SORT1: variants seen among roughly 807,000 people sequenced by gnomAD.
SORT1 encodes the protein sortilin 1.
A neutral mutation model predicts 101.7 loss-of-function variants in SORT1; 39 were observed. The observed-to-expected ratio is 0.38, with a 90% CI of 0.30 to 0.50. SORT1 has a LOEUF of 0.50. Ranked by LOEUF, SORT1 falls within the 20% of genes least tolerant of loss-of-function variation. SORT1 has a pLI of 0.90. For missense variants in SORT1, 878 were observed against 1,040.4 expected (o/e 0.84, Z 2.15); for synonymous variants, 396 against 393.7 (o/e 1.01, Z -0.07).
chr1:109,347,370 T>C, intron 7 of SORT1, 113 bp downstream of exon 7: 1 of 686,448 alleles, frequency 1.5e-6, no homozygotes, highest in Non-Finnish European at 2.5e-6. Context: ...TCTTTAGCTA[T>C]TACAATTTCA....
Position 109,324,969 on chromosome 1 carries a change from G to T in SORT1, c.1764C>A (p.Phe588Leu), listed in dbSNP as rs1224400776. Residue 588 changes from phenylalanine (F) to leucine (L), a missense_variant, in exon 14 of 20, where the codon TTC (phenylalanine) becomes TTA (leucine). By Grantham distance (22) the Phe-to-Leu change is conservative (BLOSUM62 0). Around this residue, in one of 2 missense-constraint regions of SORT1, gnomAD observed 684 missense variants for 894.5 expected, o/e 0.76. Transcript: ENST00000256637. ...ACTGGCTGGTCAGGAAAGATTCTGTGAAGCCCCAAATGCTGATATTCATGG... is the reference window on the plus strand; with the variant it reads ...ACTGGCTGGTCAGGAAAGATTCTGTTAAGCCCCAAATGCTGATATTCATGG... The part of the protein sequence containing the change: ...ARSMNISIWG[F>L]TESFLTSQWV... 6 of 1,613,858 alleles carry T rather than the reference G, an allele frequency of 3.7e-6. No individual in the cohort carries two copies. Among genetic ancestry groups the T allele is most frequent in the Non-Finnish European group, 5.1e-6 (6 of 1,179,764 alleles).
At chr1:109,388,091 A>G (rs1652690065) in intron 1 of SORT1, among the ~76,000 whole-genome samples, 1 of 151,964 alleles carries the variant, frequency 6.6e-6, no homozygotes, top group South Asian at 2.1e-4. Flanking sequence ...GGACCTCACT[A>G]TGTTGCCCAG....
chr1:109,327,678 C>A, intron 11 of SORT1, 77 bp from the exon 12 acceptor site: 1 of 944,834 alleles, frequency 1.1e-6, no homozygotes, highest in Non-Finnish European at 1.6e-6. Context: ...CAAAACCCTT[C>A]CAATAAAGCT....
intron 6 of SORT1, among the ~76,000 whole-genome samples, chr1:109,349,198 A>G (rs1255873118): frequency 1.3e-5 from 2 of 152,234 alleles, no homozygotes; most frequent in East Asian, 3.9e-4. Context: ...TACAAAAGTT[A>G]GCTGGGTGTG....
At chr1:109,326,528 C>T (rs1429229440) in intron 13 of SORT1, among the ~76,000 whole-genome samples, 2 of 136,834 alleles carry the variant, frequency 1.5e-5, no homozygotes, top group Non-Finnish European at 3.1e-5. Context: ...TATATATACA[C>T]ATATATATAC....
At chr1:109,328,850 A>T (rs1648257376) in intron 11 of SORT1, among the ~76,000 whole-genome samples, 1 of 152,172 alleles carries the variant, frequency 6.6e-6, no homozygotes, top group Non-Finnish European at 1.5e-5. Context: ...GTCCACTCTC[A>T]CAGACCCAGC....
At chr1:109,315,406 T>C (rs1239019421) in intron 17 of SORT1, among the ~76,000 whole-genome samples, 1 of 151,984 alleles carries the variant, frequency 6.6e-6, no homozygotes, top group Non-Finnish European at 1.5e-5. Context: ...TCCTGTGCAA[T>C]CACACACACG....
chr1:109,384,199 C>A (rs1212339069), intron 1 of SORT1, among the ~76,000 whole-genome samples: 1 of 152,096 alleles, frequency 6.6e-6, no homozygotes, highest in Non-Finnish European at 1.5e-5. Context: ...CTCAGCAACC[C>A]GGATACTCAC....
At chr1:109,373,080 A>G (rs767041196) in intron 1 of SORT1, among the ~76,000 whole-genome samples, 1 of 152,024 alleles carries the variant, frequency 6.6e-6, no homozygotes, top group Admixed American at 6.5e-5. Context: ...AGAAAAAAAA[A>G]CCCAAAACGA....
chr1:109,328,657 A>G (rs777630656), intron 11 of SORT1, among the ~76,000 whole-genome samples: 20 of 152,202 alleles, frequency 1.3e-4, no homozygotes, highest in Non-Finnish European at 2.4e-4. Context: ...ATATTTCCTC[A>G]TGGGTAACCT....
At chr1:109,331,783 CTTAATCT>C (rs1648469602) in intron 11 of SORT1, among the ~76,000 whole-genome samples, 1 of 151,578 alleles carries the variant, frequency 6.6e-6, no homozygotes, top group Non-Finnish European at 1.5e-5. Context: ...TATAAAAATC[CTTAATCT>C]TTAAAGACTC....
chr1:109,382,942 G>A (rs546401887), intron 1 of SORT1, among the ~76,000 whole-genome samples: 4 of 152,090 alleles, frequency 2.6e-5, no homozygotes, highest in South Asian at 4.2e-4. Flanking sequence ...TTCTACGATC[G>A]TCTGAATACC....
chr1:109,358,989 T>C (rs1650528277), intron 3 of SORT1, among the ~76,000 whole-genome samples: 1 of 152,178 alleles, frequency 6.6e-6, no homozygotes, highest in Non-Finnish European at 1.5e-5. Flanking sequence ...TGTTTATAAC[T>C]CAAGAAAATA....
At chr1:109,328,536 T>C (rs189115673) in intron 11 of SORT1, among the ~76,000 whole-genome samples, 19 of 152,358 alleles carry the variant, frequency 1.2e-4, no homozygotes, top group Non-Finnish European at 2.6e-4. Context: ...TTTGGAGAAA[T>C]GTCTATACAA....
chr1:109,351,693 A>T (rs1211530748), intron 5 of SORT1, among the ~76,000 whole-genome samples: 1 of 152,198 alleles, frequency 6.6e-6, no homozygotes, highest in Non-Finnish European at 1.5e-5. Flanking sequence ...TTTATTGCAT[A>T]TGAGGTGCTC....
At chr1:109,362,366 A>G (rs1346238027) in intron 3 of SORT1, among the ~76,000 whole-genome samples, 1 of 152,174 alleles carries the variant, frequency 6.6e-6, no homozygotes, top group South Asian at 2.1e-4. Context: ...ATGACAACCA[A>G]CTGCACTGAG....
chr1:109,333,943 G>T (rs1451301691), intron 11 of SORT1, among the ~76,000 whole-genome samples: 3 of 152,106 alleles, frequency 2.0e-5, no homozygotes, highest in Non-Finnish European at 4.4e-5. Context: ...TCAGGAGTTC[G>T]AGACCAGCCT....
At chr1:109,383,637 A>G (rs1652393880) in intron 1 of SORT1, among the ~76,000 whole-genome samples, 1 of 152,180 alleles carries the variant, frequency 6.6e-6, no homozygotes. Flanking sequence ...ATCTAGGATT[A>G]GGCTTCCAAA....
intron 1 of SORT1, among the ~76,000 whole-genome samples, chr1:109,376,224 GA>G (rs1435692045): frequency 6.6e-6 from 1 of 151,430 alleles, no homozygotes; most frequent in Non-Finnish European, 1.5e-5. Flanking sequence ...CAGCTACTCG[GA>G]GAGGCTGAGG....
Sources: gnomAD v4.1 joint callset for allele counts (sites outside exome capture counted in the v4.1 genomes callset) on GRCh38, gnomAD v4.1.1 for gene constraint, gnomAD v4.1.1 regional missense constraint, MANE v1.5 for transcripts, NCBI Gene and HGNC (gene_info 2026-07-23, HGNC 2026-07-21) for gene names.